The following PCDHA11 variants were observed in gnomAD, a reference collection of about 807,000 sequenced individuals.
The protein encoded by PCDHA11 is protocadherin alpha 11, also known as protocadherin alpha-11.
In PCDHA11, 61 loss-of-function variants were observed where a neutral mutation model predicts 70.3. The ratio of observed to expected loss-of-function variants is 0.87; its 90% CI spans 0.71 to 1.07. The LOEUF (loss-of-function observed/expected upper bound fraction) is 1.07. Ranked by LOEUF, PCDHA11 falls within the 50% of genes least tolerant of loss-of-function variation. The probability of loss-of-function intolerance (pLI) is 0.00; values close to 1 mark genes in which losing one functional copy is unlikely to be tolerated. For missense variants in PCDHA11, 1,324 were observed against 1,237.5 expected, an observed-to-expected ratio of 1.07 and a Z score of -1.05; for synonymous variants, 633 against 555.1, an observed-to-expected ratio of 1.14 and a Z score of -1.97.
intron 1 of PCDHA11, among the ~76,000 whole-genome samples, chr5:140,965,785 T>C (rs1315730975): frequency 1.3e-5 from 2 of 152,222 alleles, no homozygotes; most frequent in East Asian, 3.8e-4. Context: ...GCCTACAGCT[T>C]CATGGAGACT....
rs377373799 is a variant in PCDHA11, at chr5:141,009,886, C to G, written c.2799C>G (p.Thr933=). 3.3e-5 allele frequency: 54 copies of G among 1,612,722 alleles called. No individual in the cohort carries two copies. The highest frequency in any genetic ancestry group is 4.6e-5 in the Non-Finnish European group (54 of 1,179,784). The stretch of plus-strand genomic sequence containing the variant: ...AGAAAAAGAAGAAGGGTAACAAGAC[C>G]CAGGAGAAAAAAGAGAAAGGGAACA... ...KKKKKKKGNK[T]QEKKEKGNST... Residue 933 remains threonine (T), a synonymous_variant, in exon 4 of 4, where the codon ACC becomes ACG. Transcript: ENST00000398640.
intron 1 of PCDHA11, among the ~76,000 whole-genome samples, chr5:140,966,026 G>C (rs1586101729): frequency 6.6e-6 from 1 of 152,290 alleles, no homozygotes; most frequent in Non-Finnish European, 1.5e-5. Context: ...TGGGAGTCAG[G>C]TGAATAGTTC....
chr5:140,921,213 G>T (rs759293646), intron 1 of PCDHA11, among the ~76,000 whole-genome samples: 1 of 151,496 alleles, frequency 6.6e-6, no homozygotes, highest in Admixed American at 6.6e-5. Flanking sequence ...GATAATTCAC[G>T]TCTTTTTTGC....
intron 1 of PCDHA11, among the ~76,000 whole-genome samples, chr5:140,881,694 G>C (rs1375930995): frequency 6.6e-6 from 1 of 152,126 alleles, no homozygotes; most frequent in Non-Finnish European, 1.5e-5. Flanking sequence ...TCCTTTTGGA[G>C]TCAATGGCTG....
intron 1 of PCDHA11, among the ~76,000 whole-genome samples, chr5:140,942,058 C>T (rs2093224752): frequency 6.6e-6 from 1 of 152,040 alleles, no homozygotes; most frequent in Non-Finnish European, 1.5e-5. Flanking sequence ...GAAATGTTTG[C>T]TAATTGAGCC....
chr5:140,877,112 G>A, intron 1 of PCDHA11: 1 of 1,613,670 alleles, frequency 6.2e-7, no homozygotes, highest in Non-Finnish European at 8.5e-7. Flanking sequence ...CCTCTGGGCA[G>A]CAACGTGACG....
Position 140,894,245 on chromosome 5 carries a change from C to T in PCDHA11, c.2391+22751C>T, listed in dbSNP as rs1273703512. ...AGATGTTGAATGACAATGTAATTTT[C>T]TTTTCTTTACAAGTGGTAGCTTATT... On this transcript the variant is annotated intron_variant, in intron 1 of 3. Coordinates refer to ENST00000398640, the MANE Select transcript of PCDHA11 (RefSeq NM_018902.5). 4.0e-5 allele frequency among the ~76,000 whole-genome samples: 6 copies of T among 151,858 alleles called. No homozygotes were observed. In the East Asian group the frequency reaches 1.2e-3, roughly 29 times the overall value.
chr5:140,926,929 G>T, intron 1 of PCDHA11: 2 of 1,575,722 alleles, frequency 1.3e-6, no homozygotes, highest in South Asian at 2.3e-5. Flanking sequence ...ATGTTTGTGG[G>T]TTTCCTGCGG....
At chr5:140,929,492 G>A in intron 1 of PCDHA11, 1 of 1,062,164 alleles carries the variant, frequency 9.4e-7, no homozygotes, top group Non-Finnish European at 1.3e-6. Context: ...AGTATTAGAA[G>A]ATTGCCCTAG....
chr5:140,869,159 T>C lies in PCDHA11; in HGVS notation c.56T>C (p.Leu19Pro). The C allele has an allele frequency of 6.2e-7, 1 of 1,613,792 alleles. No homozygotes were observed. The highest frequency in any genetic ancestry group is 8.5e-7 in the Non-Finnish European group (1 of 1,179,810). ...LGTPRLQLWLLLLEFWEVGSG... is the reference protein window; with the variant it reads ...LGTPRLQLWLPLLEFWEVGSG... ...ACCCCACGACTACAGCTCTGGCTTC[T>C]CCTCCTCGAATTCTGGGAGGTGGGG... Residue 19 changes from leucine to proline, a missense_variant, in exon 1 of 4, where the codon CTC becomes CCC. Physicochemically the swap from Leu to Pro is moderately conservative, Grantham distance 98. Transcript: ENST00000398640.
rs1377792748 is a variant in PCDHA11 at position 140,968,353 on chromosome 5, C to T, written c.2392-10596C>T. ...ATGTCTCCATTAACAGTGCCAGTGGCAGCCTTTATGCTGTCAACTCCTTTG... is the reference window on the plus strand; with the variant it reads ...ATGTCTCCATTAACAGTGCCAGTGGTAGCCTTTATGCTGTCAACTCCTTTG... On this transcript the variant is annotated intron_variant, in intron 1 of 3. Coordinates refer to ENST00000398640, the MANE Select transcript of PCDHA11 (RefSeq NM_018902.5). 1.9e-6 allele frequency: 3 copies of T among 1,613,988 alleles called. No individual in the cohort carries two copies. In the African/African-American group the frequency reaches 4.0e-5, roughly 22 times the overall value.
chr5:140,927,137 A>G, intron 1 of PCDHA11: 2 of 1,614,052 alleles, frequency 1.2e-6, no homozygotes, highest in South Asian at 2.2e-5. Context: ...GAGCCGGCGG[A>G]CCGCGAACAG....
intron 1 of PCDHA11, among the ~76,000 whole-genome samples, chr5:140,933,543 A>C (rs888580290): frequency 6.6e-6 from 1 of 152,092 alleles, no homozygotes; most frequent in Non-Finnish European, 1.5e-5. Flanking sequence ...AATAATGTTA[A>C]TATAAAATAA....
At chr5:140,899,702 G>A (rs2067498720) in intron 1 of PCDHA11, among the ~76,000 whole-genome samples, 1 of 152,228 alleles carries the variant, frequency 6.6e-6, no homozygotes, top group African/African-American at 2.4e-5. Flanking sequence ...CATAAAATGA[G>A]TTAGGGAGGA....
At chr5:140,997,727 C>G (rs2097783097) in intron 3 of PCDHA11, among the ~76,000 whole-genome samples, 1 of 151,244 alleles carries the variant, frequency 6.6e-6, no homozygotes, top group Admixed American at 6.6e-5. Flanking sequence ...TACGTCAGTA[C>G]ATATAGATTT....
At chr5:140,920,481 G>T (rs2079651233) in intron 1 of PCDHA11, among the ~76,000 whole-genome samples, 1 of 151,886 alleles carries the variant, frequency 6.6e-6, no homozygotes, top group Non-Finnish European at 1.5e-5. Context: ...TATGTTTTTG[G>T]TCCAACAATA....
intron 3 of PCDHA11, among the ~76,000 whole-genome samples, chr5:140,996,661 G>A (rs1554255301): frequency 6.6e-6 from 1 of 152,194 alleles, no homozygotes; most frequent in Admixed American, 6.5e-5. Context: ...GTGCAGGCTA[G>A]TTTTTGAACC....
At chr5:140,896,450 C>G (rs1009231622) in intron 1 of PCDHA11, among the ~76,000 whole-genome samples, 5 of 152,092 alleles carry the variant, frequency 3.3e-5, no homozygotes, top group Admixed American at 1.3e-4. Flanking sequence ...GCAACCTCCA[C>G]CTCCTGGGTT....
At chr5:140,993,198 A>C (rs1554253472) in intron 3 of PCDHA11, among the ~76,000 whole-genome samples, 1 of 151,946 alleles carries the variant, frequency 6.6e-6, no homozygotes, top group African/African-American at 2.4e-5. Context: ...AACTCACTAA[A>C]GCTAATTTTT....
Sources: gnomAD v4.1 joint callset for allele counts (sites outside exome capture counted in the v4.1 genomes callset) on GRCh38, gnomAD v4.1.1 for gene constraint, MANE v1.5 for transcripts, NCBI Gene and HGNC (gene_info 2026-07-23, HGNC 2026-07-21) for gene names.